The following AGO3 variants were observed in gnomAD, a reference collection of about 807,000 sequenced individuals.
AGO3 encodes protein argonaute-3.
AGO3 carries 16 observed loss-of-function variants against 105.5 expected under a neutral mutation model. The observed-to-expected ratio is 0.15, with a 90% CI of 0.10 to 0.23. The LOEUF (loss-of-function observed/expected upper bound fraction) is 0.23. AGO3 is among the 10% of genes least tolerant of loss of function. The pLI is 1.00. For synonymous variants in AGO3, 340 were observed against 367.3 expected (o/e 0.93, Z 0.85); for missense variants, 534 against 1,088.0 (o/e 0.49, Z 7.16).
chr1:35,982,388 TAGAG>T (rs547751150), intron 5 of AGO3, among the ~76,000 whole-genome samples: 193 of 152,252 alleles, frequency 1.3e-3, no homozygotes, highest in Admixed American at 5.8e-3. Context: ...AAGCAATGCT[TAGAG>T]AGAATTTAAA....
chr1:36,067,703 A>G lies in AGO3; in HGVS notation c.*11958A>G, dbSNP rs1461560547. The G allele has an allele frequency of 6.6e-6, 1 of 152,090 alleles. No homozygotes were observed. The highest frequency in any genetic ancestry group is 1.5e-5 in the Non-Finnish European group (1 of 68,006). 9.4% of individuals were successfully genotyped at this position (152,090 alleles called of 1,614,324 possible). A position where few individuals can be genotyped will look rare whatever the true frequency, so the allele number is the denominator to read the frequency against. ...TAACATGTTTGGTTTTCCCCTTTAA[A>G]TAGAAAACACCAAGCAGGGCCTTTC... On this transcript the variant is annotated 3_prime_UTR_variant, in exon 19 of 19. Transcript: ENST00000373191.
chr1:35,982,560 A>G (rs1647072758), intron 5 of AGO3: 2 of 692,632 alleles, frequency 2.9e-6, no homozygotes, highest in Admixed American at 2.2e-5. Flanking sequence ...TCTATCCTTT[A>G]GATAGGGATA....
Position 36,055,398 on chromosome 1 carries a change from T to C in AGO3, c.2475-239T>C. On this transcript the variant is annotated intron_variant, in intron 18 of 18. Coordinates refer to ENST00000373191, the MANE Select transcript of AGO3 (RefSeq NM_024852.4). This position sits in a 1 kb window ranked among gnomAD's most constrained non-coding sequence, Gnocchi z 4.4. ...TAATAAAGTGATACATTCAGACAGA[T>C]AGACAAAATGATACGATATCTAGGT... is the stretch of plus-strand genomic sequence containing the variant. 1 of 613,150 alleles carries C rather than the reference T, an allele frequency of 1.6e-6. No homozygotes were observed. The highest frequency in any genetic ancestry group is 2.0e-5 in the South Asian group (1 of 49,398). 38.0% of individuals were successfully genotyped at this position (613,150 alleles called of 1,614,324 possible).
chr1:35,937,754 T>C (rs1224076215), intron 1 of AGO3, among the ~76,000 whole-genome samples: 1 of 152,186 alleles, frequency 6.6e-6, no homozygotes, highest in African/African-American at 2.4e-5. Context: ...TGGCTGGATG[T>C]TCTATAAGTG....
At chr1:35,942,317 A>G (rs528132940) in intron 1 of AGO3, among the ~76,000 whole-genome samples, 1 of 152,288 alleles carries the variant, frequency 6.6e-6, no homozygotes, top group Admixed American at 6.5e-5. Context: ...TTTTGCATGT[A>G]TATTCGTGAA....
chr1:36,006,159 A>G (rs1430680674), intron 6 of AGO3, among the ~76,000 whole-genome samples: 1 of 151,242 alleles, frequency 6.6e-6, no homozygotes, highest in African/African-American at 2.4e-5. Flanking sequence ...TATTCCTACT[A>G]CAGTAACCCA....
At chr1:35,980,204 T>C (rs554527703) in intron 5 of AGO3, among the ~76,000 whole-genome samples, 47 of 152,332 alleles carry the variant, frequency 3.1e-4, no homozygotes, top group African/African-American at 1.1e-3. Flanking sequence ...TTCTTTCTAC[T>C]AGTTTTAGCC....
At position 35,972,134 on chromosome 1, in the gene AGO3, A is replaced by G. The variant is rs763948146; in HGVS notation, c.423A>G (p.Thr141=). ...VSWHLLHEVL[T]GRTLPEPLEL... ...GGCACCTACTGCATGAAGTACTGAC[A>G]GGACGGACCTTGCCTGAGCCACTGG... The change falls in exon 4 of 19, where the codon ACA becomes ACG. Residue 141 remains threonine (T), a synonymous_variant. Coordinates refer to ENST00000373191, the MANE Select transcript of AGO3 (RefSeq NM_024852.4). 2 of 1,614,132 alleles carry G rather than the reference A, an allele frequency of 1.2e-6. No individual in the cohort carries two copies. Among genetic ancestry groups the G allele is most frequent in the Admixed American group, 1.7e-5 (1 of 60,000 alleles).
chr1:35,945,998 C>A, intron 2 of AGO3, 135 bp downstream of exon 2: 1 of 916,292 alleles, frequency 1.1e-6, no homozygotes, highest in Non-Finnish European at 1.6e-6. Flanking sequence ...TGTTTTAAAA[C>A]TGATTGTACT....
rs1420462753 is a variant in AGO3, at chr1:35,941,549, CAG to C, written c.20-4138_20-4137del. Among the ~76,000 whole-genome samples, 17 of 152,156 alleles carry C rather than the reference CAG, an allele frequency of 1.1e-4. 1 individual carries two copies. The highest frequency in any genetic ancestry group is 1.0e-3 in the Admixed American group (16 of 15,286). ...GAAAGAAACAACTAATGGAACAGAA[CAG>C]AGAGTCCAGCATGGCAGGTTACCAT... is the stretch of plus-strand genomic sequence containing the variant. On this transcript the variant is annotated intron_variant, in intron 1 of 18. Coordinates refer to ENST00000373191, the MANE Select transcript of AGO3 (RefSeq NM_024852.4).
At chr1:35,967,259 CAT>C (rs1443387660) in intron 3 of AGO3, among the ~76,000 whole-genome samples, 184 bp downstream of exon 3, 2 of 152,118 alleles carry the variant, frequency 1.3e-5, no homozygotes, top group African/African-American at 4.8e-5. Context: ...AGAGAACTCT[CAT>C]ACACCCTTTA....
intron 17 of AGO3, 93 bp downstream of exon 17, chr1:36,043,641 C>G: frequency 9.8e-7 from 1 of 1,016,438 alleles, no homozygotes; most frequent in Non-Finnish European, 1.4e-6. Flanking sequence ...AAGAAATACT[C>G]TTTGCATTCC....
At chr1:35,964,401 G>A (rs1024539026) in intron 2 of AGO3, among the ~76,000 whole-genome samples, 3 of 152,074 alleles carry the variant, frequency 2.0e-5, no homozygotes, top group Non-Finnish European at 4.4e-5. Context: ...TCCTGTGTTA[G>A]TTTGCTAAGG....
In AGO3 at chr1:36,054,942, A is replaced by G. The variant is rs772578601; in HGVS notation, c.2275-4A>G. The stretch of plus-strand genomic sequence containing the variant: ...AACAGTGTATGTCATTGCCTTCTCT[A>G]TAGGGTACCAGTCGTCCTTCACACT... On this transcript the variant is annotated splice_region_variant and splice_polypyrimidine_tract_variant and intron_variant, in intron 17 of 18. Transcript: ENST00000373191. The G allele has an allele frequency of 3.7e-6, 6 of 1,613,582 alleles. No homozygotes were observed. The highest frequency in any genetic ancestry group is 5.1e-6 in the Non-Finnish European group (6 of 1,179,510).
In AGO3 at chr1:36,014,317, C is replaced by A. The variant is rs537857773; in HGVS notation, c.1406+269C>A. Among the ~76,000 whole-genome samples the A allele has an allele frequency of 3.3e-5, 5 of 151,920 alleles. 1 individual carries two copies. In the South Asian group the frequency reaches 1.0e-3, roughly 31 times the overall value. ...GGGATTACAGGTGTGTGCCACCACG[C>A]CCAGCTAATTTTGTATTTTTAGTAG... On this transcript the variant is annotated intron_variant, in intron 11 of 18. Coordinates refer to ENST00000373191, the MANE Select transcript of AGO3 (RefSeq NM_024852.4).
intron 12 of AGO3, among the ~76,000 whole-genome samples, chr1:36,031,500 A>G (rs1021952743): frequency 7.9e-5 from 12 of 150,948 alleles, no homozygotes; most frequent in African/African-American, 2.2e-4. Flanking sequence ...TTTGAGCCAC[A>G]TAATGATTTA....
At chr1:36,020,837 G>A (rs1010360035) in intron 11 of AGO3, among the ~76,000 whole-genome samples, 4 of 151,794 alleles carry the variant, frequency 2.6e-5, no homozygotes, top group East Asian at 3.9e-4. Flanking sequence ...GACTAGTCTC[G>A]AACTCCTGAC....
At chr1:35,933,153 G>A (rs1646085604) in intron 1 of AGO3, among the ~76,000 whole-genome samples, 1 of 152,082 alleles carries the variant, frequency 6.6e-6, no homozygotes, top group Non-Finnish European at 1.5e-5. Flanking sequence ...TCAACTATAT[G>A]CCTGGGTCTC....
chr1:35,952,043 C>A (rs1344656892), intron 2 of AGO3, among the ~76,000 whole-genome samples: 1 of 151,922 alleles, frequency 6.6e-6, no homozygotes, highest in Non-Finnish European at 1.5e-5. Flanking sequence ...GCCCATTAGT[C>A]CCTCCCCACA....
Sources: allele counts gnomAD v4.1 joint callset (sites outside exome capture counted in the v4.1 genomes callset), GRCh38; gene constraint gnomAD v4.1.1; non-coding constraint Gnocchi (gnomAD v3.1); transcripts MANE v1.5; gene names NCBI Gene and HGNC (gene_info 2026-07-23, HGNC 2026-07-21).